TMUB1: variants seen among roughly 807,000 people sequenced by gnomAD.
The protein encoded by TMUB1 is transmembrane and ubiquitin like domain containing 1, also known as transmembrane and ubiquitin-like domain-containing protein 1.
Under a neutral mutation model 16.2 loss-of-function variants are expected in TMUB1, and 9 were observed. That is an observed-to-expected ratio of 0.55 (90% CI 0.33 to 0.97). TMUB1 has a LOEUF of 0.97. TMUB1 is among the 50% of genes least tolerant of loss of function. TMUB1 has a pLI of 0.03. For missense variants in TMUB1, 309 were observed against 313.5 expected, an observed-to-expected ratio of 0.99 and a Z score of 0.11; for synonymous variants, 155 against 152.2, an observed-to-expected ratio of 1.02 and a Z score of -0.13.
rs1424237517 is a variant in TMUB1, at chr7:151,082,043, A to T, written c.389+132T>A. ...GGGGCCGTCTGCCAGGGGAACAAGT[A>T]CAGTTGTGATCTGGGGCGCTCAGCG... On this transcript the variant is annotated intron_variant, in intron 2 of 2. Coordinates refer to ENST00000297533, the MANE Select transcript of TMUB1 (RefSeq NM_001136044.2). This position sits in a 1 kb window ranked among gnomAD's most constrained non-coding sequence, Gnocchi z 7.0. 1 of 1,407,462 alleles carries T rather than the reference A, an allele frequency of 7.1e-7. No individual in the cohort carries two copies. Among genetic ancestry groups the T allele is most frequent in the Non-Finnish European group, 9.5e-7 (1 of 1,058,078 alleles). 87.2% of individuals were successfully genotyped at this position (1,407,462 alleles called of 1,614,324 possible). A position where few individuals can be genotyped will look rare whatever the true frequency, so the allele number is the denominator to read the frequency against.
At position 151,082,133 on chromosome 7, in the gene TMUB1, A is replaced by C. The variant is rs1563394579; in HGVS notation, c.389+42T>G. On this transcript the variant is annotated intron_variant, in intron 2 of 2. Transcript: ENST00000297533. This position sits in a 1 kb window ranked among gnomAD's most constrained non-coding sequence, Gnocchi z 7.0. ...GGGGCCTTCTGCGACCACTCTCCCAACCCCTGTCTTTAGCATTGCTCCTGC... is the reference window on the plus strand; with the variant it reads ...GGGGCCTTCTGCGACCACTCTCCCACCCCCTGTCTTTAGCATTGCTCCTGC... 3 of 1,491,648 alleles carry C rather than the reference A, an allele frequency of 2.0e-6. No homozygotes were observed. Among genetic ancestry groups the C allele is most frequent in the Non-Finnish European group, 2.7e-6 (3 of 1,121,056 alleles). The allele number at this position is 1,491,648 out of a possible 1,614,324, so 92.4% of individuals were successfully genotyped here. A position where few individuals can be genotyped will look rare whatever the true frequency, so the allele number is the denominator to read the frequency against.
In TMUB1 at chr7:151,081,705, G is replaced by T. The variant is rs930612186; in HGVS notation, c.585C>A (p.Ile195=). The T allele has an allele frequency of 3.2e-6, 5 of 1,583,400 alleles. No homozygotes were observed. Among genetic ancestry groups the T allele is most frequent in the South Asian group, 2.3e-5 (2 of 87,464 alleles). Residue 195 remains isoleucine, a synonymous_variant, in exon 3 of 3, where the codon ATC becomes ATA. Transcript: ENST00000297533. The surrounding 1 kb of genome is among the most constrained non-coding windows in gnomAD (Gnocchi z 7.6). ...GCAGCAGGGGCAGCAGCAGGCTGCC[G>T]ATTTCCAGCCCGGAGGGGCCGGGCT... is the stretch of plus-strand genomic sequence containing the variant. ...GSEPGPSGLE[I]GSLLLPLLLL... is the part of the protein sequence containing the mutation.
Position 151,082,671 on chromosome 7 carries a change from A to AC in TMUB1, c.-30-79dup. 4 of 1,183,460 alleles carry AC rather than the reference A, an allele frequency of 3.4e-6. No individual in the cohort carries two copies. Among genetic ancestry groups the AC allele is most frequent in the Non-Finnish European group, 4.4e-6 (4 of 909,662 alleles). The allele number at this position is 1,183,460 out of a possible 1,614,324, so 73.3% of individuals were successfully genotyped here. ...GGAACCTCCACAGGGTCCTGCCCTCACCCCACCGCGACGCTCCCACCGTCC... is the reference window on the plus strand; with the variant it reads ...GGAACCTCCACAGGGTCCTGCCCTCACCCCCACCGCGACGCTCCCACCGTCC... On this transcript the variant is annotated intron_variant, in intron 1 of 2. Coordinates refer to ENST00000297533, the MANE Select transcript of TMUB1 (RefSeq NM_001136044.2). The surrounding 1 kb of genome is among the most constrained non-coding windows in gnomAD (Gnocchi z 7.0).
In TMUB1 at chr7:151,081,240, T is replaced by G. The variant is rs575444484; in HGVS notation, c.*309A>C. The G allele has an allele frequency of 2.3e-5, 5 of 216,322 alleles. No individual in the cohort carries two copies. In the Admixed American group the frequency reaches 3.0e-4, roughly 13 times the overall value. The allele number at this position is 216,322 out of a possible 1,614,324, so 13.4% of individuals were successfully genotyped here. A position where few individuals can be genotyped will look rare whatever the true frequency, so the allele number is the denominator to read the frequency against. ...GCGGCTGGGTCCTCCGGCAGAACACTAAGACGGGCCCCCGGGGCGGCCCGG... is the reference window on the plus strand; with the variant it reads ...GCGGCTGGGTCCTCCGGCAGAACACGAAGACGGGCCCCCGGGGCGGCCCGG... On this transcript the variant is annotated 3_prime_UTR_variant, in exon 3 of 3. Transcript: ENST00000297533. This position sits in a 1 kb window ranked among gnomAD's most constrained non-coding sequence, Gnocchi z 7.6.
Position 151,082,842 on chromosome 7 carries a change from C to A in TMUB1, c.-30-249G>T. On this transcript the variant is annotated intron_variant, in intron 1 of 2. Coordinates refer to ENST00000297533, the MANE Select transcript of TMUB1 (RefSeq NM_001136044.2). This position sits in a 1 kb window ranked among gnomAD's most constrained non-coding sequence, Gnocchi z 7.0. ...GAGCTCGAGGTCTTCAACCAGCTCC[C>A]AACTCACCCAAACCCTATCCCAAGG... The A allele has an allele frequency of 2.7e-6, 1 of 365,948 alleles. No individual in the cohort carries two copies. The highest frequency in any genetic ancestry group is 4.9e-6 in the Non-Finnish European group (1 of 204,400). 22.7% of individuals were successfully genotyped at this position (365,948 alleles called of 1,614,324 possible).
Position 151,082,465 on chromosome 7 carries a change from G to C in TMUB1, c.99C>G (p.Thr33=), listed in dbSNP as rs550079227. The change falls in exon 2 of 3, where the codon ACC becomes ACG. Residue 33 remains threonine (T), a synonymous_variant. Transcript: ENST00000297533. This position sits in a 1 kb window ranked among gnomAD's most constrained non-coding sequence, Gnocchi z 7.0. ...GGGGCAGTGGGTCCCCGCCCTCAGC[G>C]GTGTGCGTTGAGACCCAGGCAAGGG... ...VLALAWVSTH[T]AEGGDPLPQP... is the part of the protein sequence containing the mutation. 6.2e-7 allele frequency: 1 copy of C among 1,602,760 alleles called. No individual in the cohort carries two copies. Among genetic ancestry groups the C allele is most frequent in the South Asian group, 1.1e-5 (1 of 90,104 alleles).
chr7:151,081,662 G>C lies in TMUB1; in HGVS notation c.628C>G (p.Leu210Val). Residue 210 changes from leucine to valine, a missense_variant, in exon 3 of 3, where the codon CTC (leucine) becomes GTC (valine). Physicochemically the swap from Leu to Val is conservative, Grantham distance 32. Coordinates refer to ENST00000297533, the MANE Select transcript of TMUB1 (RefSeq NM_001136044.2). The surrounding 1 kb of genome is among the most constrained non-coding windows in gnomAD (Gnocchi z 7.6). ...CGGTACTGGATCTGGCAGTACCAGA[G>C]CAGCAGCAACAGCAGGAGCAGCAGG... ...LPLLLLLLLLLWYCQIQYRPF... is the reference protein window; with the variant it reads ...LPLLLLLLLLVWYCQIQYRPF... 1 of 1,595,620 alleles carries C rather than the reference G, an allele frequency of 6.3e-7. No individual in the cohort carries two copies. Among genetic ancestry groups the C allele is most frequent in the Non-Finnish European group, 8.5e-7 (1 of 1,171,330 alleles).
Position 151,082,527 on chromosome 7 carries a change from C to T in TMUB1, c.37G>A (p.Val13Ile), listed in dbSNP as rs1798024867. The change falls in exon 2 of 3, where the codon GTC becomes ATC. Residue 13 changes from valine to isoleucine, a missense_variant. Coordinates refer to ENST00000297533, the MANE Select transcript of TMUB1 (RefSeq NM_001136044.2). The surrounding 1 kb of genome is among the most constrained non-coding windows in gnomAD (Gnocchi z 7.0). ...AGGCAGGCAAGCACCGAGAAAAGGA[C>T]GGTCACCTCATCACCCACCCCTTCA... ...LIEGVGDEVT[V>I]LFSVLACLLV... 6.5e-7 allele frequency: 1 copy of T among 1,534,524 alleles called. No individual in the cohort carries two copies. The highest frequency in any genetic ancestry group is 8.8e-7 in the Non-Finnish European group (1 of 1,139,706).
chr7:151,081,383 G>A lies in TMUB1; in HGVS notation c.*166C>T, dbSNP rs1797979922. On this transcript the variant is annotated 3_prime_UTR_variant, in exon 3 of 3. Transcript: ENST00000297533. The surrounding 1 kb of genome is among the most constrained non-coding windows in gnomAD (Gnocchi z 7.6). ...CCCCGAGCCCCGGCGGTCGCAGGGC[G>A]GGGCCTCCGCCAGTCCCGGGAGTCC... The A allele has an allele frequency of 3.3e-6, 4 of 1,194,856 alleles. No homozygotes were observed. In the East Asian group the frequency reaches 1.4e-4, roughly 43 times the overall value. 74.0% of individuals were successfully genotyped at this position (1,194,856 alleles called of 1,614,324 possible).
In TMUB1 at chr7:151,082,158, C is replaced by A; in HGVS notation, c.389+17G>T. 1 of 1,501,456 alleles carries A rather than the reference C, an allele frequency of 6.7e-7. No individual in the cohort carries two copies. Among genetic ancestry groups the A allele is most frequent in the African/African-American group, 1.4e-5 (1 of 71,258 alleles). 93.0% of individuals were successfully genotyped at this position (1,501,456 alleles called of 1,614,324 possible). On this transcript the variant is annotated intron_variant, in intron 2 of 2. Transcript: ENST00000297533. This position sits in a 1 kb window ranked among gnomAD's most constrained non-coding sequence, Gnocchi z 7.0. ...ACCCCTGTCTTTAGCATTGCTCCTGCCTCTTGACCTACTTACCTTTTCAAG... is the reference window on the plus strand; with the variant it reads ...ACCCCTGTCTTTAGCATTGCTCCTGACTCTTGACCTACTTACCTTTTCAAG...
rs1563397183 is a variant in TMUB1, at chr7:151,082,796, A to G, written c.-30-203T>C. 9.9e-6 allele frequency: 4 copies of G among 406,048 alleles called. No homozygotes were observed. Among genetic ancestry groups the G allele is most frequent in the Admixed American group, 4.4e-5 (1 of 22,588 alleles). The allele number at this position is 406,048 out of a possible 1,614,324, so 25.2% of individuals were successfully genotyped here. ...TGCCCCTTCCCATCGCCGAATCCCA[A>G]GTCCTAACTTTCTGTCATCTGAGCT... On this transcript the variant is annotated intron_variant, in intron 1 of 2. Transcript: ENST00000297533. The surrounding 1 kb of genome is among the most constrained non-coding windows in gnomAD (Gnocchi z 7.0).
Position 151,082,202 on chromosome 7 carries a change from G to A in TMUB1, c.362C>T (p.Pro121Leu). The part of the protein sequence containing the change: ...NDSEQVARAW[P>L]HDTIGSLKRT... The stretch of plus-strand genomic sequence containing the variant: ...TTTCAAGGAGCCAATGGTGTCGTGG[G>A]GCCAGGCCCTGGCCACCTGCTCTGA... The change falls in exon 2 of 3, where the codon CCC becomes CTC. Residue 121 changes from proline (P) to leucine (L), a missense_variant. By Grantham distance (98) the Pro-to-Leu change is moderately conservative. Transcript: ENST00000297533. The surrounding 1 kb of genome is among the most constrained non-coding windows in gnomAD (Gnocchi z 7.0). The A allele has an allele frequency of 6.6e-7, 1 of 1,518,606 alleles. No homozygotes were observed. The highest frequency in any genetic ancestry group is 8.8e-7 in the Non-Finnish European group (1 of 1,131,784). The allele number at this position is 1,518,606 out of a possible 1,614,324, so 94.1% of individuals were successfully genotyped here.
Position 151,082,581 on chromosome 7 carries a change from C to A in TMUB1, c.-18G>T. The stretch of plus-strand genomic sequence containing the variant: ...AGGGTCATGGCGCCTGCCTTGCCCG[C>A]CGCGCTACCGAGCTGGAGAGGCACA... On this transcript the variant is annotated 5_prime_UTR_variant, in exon 2 of 3. Transcript: ENST00000297533. This position sits in a 1 kb window ranked among gnomAD's most constrained non-coding sequence, Gnocchi z 7.0. The A allele has an allele frequency of 3.4e-6, 5 of 1,483,732 alleles. No homozygotes were observed. Among genetic ancestry groups the A allele is most frequent in the Non-Finnish European group, 4.5e-6 (5 of 1,116,500 alleles). 91.9% of individuals were successfully genotyped at this position (1,483,732 alleles called of 1,614,324 possible).
rs148391516 is a variant in TMUB1 at position 151,082,628 on chromosome 7, C to G, written c.-30-35G>C. The G allele has an allele frequency of 4.2e-6, 6 of 1,436,438 alleles. No individual in the cohort carries two copies. In the East Asian group the frequency reaches 1.3e-4, roughly 32 times the overall value. 89.0% of individuals were successfully genotyped at this position (1,436,438 alleles called of 1,614,324 possible). ...CACAAAGAGCCCGTGAGGCCCGGGC[C>G]CCCTGGCCAGGAGCCCTGGAACCTC... On this transcript the variant is annotated intron_variant, in intron 1 of 2. Coordinates refer to ENST00000297533, the MANE Select transcript of TMUB1 (RefSeq NM_001136044.2). The surrounding 1 kb of genome is among the most constrained non-coding windows in gnomAD (Gnocchi z 7.0).
Position 151,081,394 on chromosome 7 carries a change from C to T in TMUB1, c.*155G>A. ...GGCGGTCGCAGGGCGGGGCCTCCGC[C>T]AGTCCCGGGAGTCCTCTGCGGCGCA... On this transcript the variant is annotated 3_prime_UTR_variant, in exon 3 of 3. Coordinates refer to ENST00000297533, the MANE Select transcript of TMUB1 (RefSeq NM_001136044.2). The surrounding 1 kb of genome is among the most constrained non-coding windows in gnomAD (Gnocchi z 7.6). The T allele has an allele frequency of 1.6e-6, 2 of 1,227,424 alleles. No individual in the cohort carries two copies. Among genetic ancestry groups the T allele is most frequent in the Non-Finnish European group, 2.0e-6 (2 of 981,048 alleles). 76.0% of individuals were successfully genotyped at this position (1,227,424 alleles called of 1,614,324 possible). A position where few individuals can be genotyped will look rare whatever the true frequency, so the allele number is the denominator to read the frequency against.
At position 151,081,419 on chromosome 7, in the gene TMUB1, A is replaced by C; in HGVS notation, c.*130T>G. The C allele has an allele frequency of 7.7e-7, 1 of 1,305,168 alleles. No homozygotes were observed. The highest frequency in any genetic ancestry group is 9.7e-7 in the Non-Finnish European group (1 of 1,026,976). 80.8% of individuals were successfully genotyped at this position (1,305,168 alleles called of 1,614,324 possible). On this transcript the variant is annotated 3_prime_UTR_variant, in exon 3 of 3. Coordinates refer to ENST00000297533, the MANE Select transcript of TMUB1 (RefSeq NM_001136044.2). This position sits in a 1 kb window ranked among gnomAD's most constrained non-coding sequence, Gnocchi z 7.6. ...CAGTCCCGGGAGTCCTCTGCGGCGC[A>C]GGGCTGGGCTCCAGGGCGGCGGGAA... is the stretch of plus-strand genomic sequence containing the variant.
In TMUB1 at chr7:151,081,493, GC is replaced by G; in HGVS notation, c.*55del. The G allele has an allele frequency of 6.9e-7, 1 of 1,441,232 alleles. No individual in the cohort carries two copies. Among genetic ancestry groups the G allele is most frequent in the Non-Finnish European group, 9.1e-7 (1 of 1,097,168 alleles). The allele number at this position is 1,441,232 out of a possible 1,614,324, so 89.3% of individuals were successfully genotyped here. On this transcript the variant is annotated 3_prime_UTR_variant, in exon 3 of 3. Coordinates refer to ENST00000297533, the MANE Select transcript of TMUB1 (RefSeq NM_001136044.2). The surrounding 1 kb of genome is among the most constrained non-coding windows in gnomAD (Gnocchi z 7.6). ...TGGGCAGGCAGCAGCTCCCGCCGCG[GC>G]GCGGGGAGCAAGGTCCGGAGGGGCC...
At position 151,082,172 on chromosome 7, in the gene TMUB1, T is replaced by A. The variant is rs540164336; in HGVS notation, c.389+3A>T. ...CATTGCTCCTGCCTCTTGACCTACTTACCTTTTCAAGGAGCCAATGGTGTC... is the reference window on the plus strand; with the variant it reads ...CATTGCTCCTGCCTCTTGACCTACTAACCTTTTCAAGGAGCCAATGGTGTC... On this transcript the variant is annotated splice_donor_region_variant and intron_variant, in intron 2 of 2. Coordinates refer to ENST00000297533, the MANE Select transcript of TMUB1 (RefSeq NM_001136044.2). The surrounding 1 kb of genome is among the most constrained non-coding windows in gnomAD (Gnocchi z 7.0). 27 of 1,505,800 alleles carry A rather than the reference T, an allele frequency of 1.8e-5. No homozygotes were observed. The East Asian group carries it at 4.7e-4, about 26-fold the overall frequency. The allele number at this position is 1,505,800 out of a possible 1,614,324, so 93.3% of individuals were successfully genotyped here.
At position 151,081,099 on chromosome 7, in the gene TMUB1, T is replaced by G; in HGVS notation, c.*450A>C. 2 of 271,332 alleles carry G rather than the reference T, an allele frequency of 7.4e-6. No individual in the cohort carries two copies. The highest frequency in any genetic ancestry group is 1.4e-5 in the Non-Finnish European group (2 of 144,824). The allele number at this position is 271,332 out of a possible 1,614,324, so 16.8% of individuals were successfully genotyped here. On this transcript the variant is annotated 3_prime_UTR_variant, in exon 3 of 3. Transcript: ENST00000297533. The surrounding 1 kb of genome is among the most constrained non-coding windows in gnomAD (Gnocchi z 7.6). ...CACTGCAAGAGTGAAAACTTCACAG[T>G]TACTTTAATCTGCACGGGTTCCGGG...
Sources: gnomAD v4.1 joint callset for allele counts on GRCh38, gnomAD v4.1.1 for gene constraint, Gnocchi (gnomAD v3.1) non-coding constraint, MANE v1.5 for transcripts, NCBI Gene and HGNC (gene_info 2026-07-23, HGNC 2026-07-21) for gene names.